The following N4BP2 variants were observed in gnomAD, a reference collection of about 807,000 sequenced individuals.
N4BP2 encodes the protein NEDD4 binding protein 2.
Under a neutral mutation model 152.8 loss-of-function variants are expected in N4BP2, and 91 were observed. The observed-to-expected ratio is 0.60, with a 90% CI of 0.50 to 0.71. N4BP2 has a LOEUF of 0.71. Among genes scored for constraint, N4BP2 ranks in the 30% least tolerant of loss-of-function variants. The probability of loss-of-function intolerance (pLI) is 0.00; values close to 1 mark genes in which losing one functional copy is unlikely to be tolerated. For synonymous variants in N4BP2, 646 were observed against 705.3 expected (o/e 0.92, Z 1.33); for missense variants, 1,923 against 2,059.1 (o/e 0.93, Z 1.28).
downstream of N4BP2, among the ~76,000 whole-genome samples, chr4:40,162,562 T>C (rs1338163059): frequency 1.3e-5 from 2 of 152,138 alleles, no homozygotes; most frequent in Admixed American, 1.3e-4. Flanking sequence ...TGGCTTGACA[T>C]ATTAGTCACA....
chr4:40,140,936 C>T (rs1719869615), intron 14 of N4BP2, among the ~76,000 whole-genome samples: 1 of 149,770 alleles, frequency 6.7e-6, no homozygotes, highest in Non-Finnish European at 1.5e-5. Context: ...GATCCCAAGG[C>T]AGAAGAATTT....
chr4:40,146,709 A>G (rs993114951), intron 16 of N4BP2, among the ~76,000 whole-genome samples: 3 of 152,114 alleles, frequency 2.0e-5, no homozygotes, highest in Non-Finnish European at 4.4e-5. Context: ...AGCAAATTTC[A>G]AGTATATGAT....
chr4:40,167,231 A>G, the N4BP2 span: 32 of 152,316 alleles, frequency 2.1e-4, no homozygotes, highest in African/African-American at 7.2e-4. Flanking sequence ...TCTAATTTGT[A>G]TATAATGGGA....
In N4BP2 at chr4:40,120,269, A is replaced by G. The variant is rs766531098; in HGVS notation, c.2158A>G (p.Met720Val). Residue 720 changes from methionine to valine, a missense_variant, in exon 9 of 18, where the codon ATG (methionine) becomes GTG (valine). Coordinates refer to ENST00000261435, the MANE Select transcript of N4BP2 (RefSeq NM_018177.6). ...GYSKTDTDSS[M>V]ERVSPSTCCS... ...TAGTAAAACTGACACAGATAGTTCT[A>G]TGGAGAGAGTATCACCTAGTACTTG... 6.2e-6 allele frequency: 10 copies of G among 1,613,844 alleles called. No individual in the cohort carries two copies. Among genetic ancestry groups the G allele is most frequent in the African/African-American group, 2.7e-5 (2 of 74,942 alleles).
chr4:40,114,911 T>C (rs1040753574), intron 7 of N4BP2, among the ~76,000 whole-genome samples: 4 of 152,176 alleles, frequency 2.6e-5, no homozygotes, highest in Non-Finnish European at 4.4e-5. Context: ...TATTTACACA[T>C]CTACTGTGTT....
At chr4:40,115,634 G>A (rs1413270664) in intron 7 of N4BP2, among the ~76,000 whole-genome samples, 2 of 151,644 alleles carry the variant, frequency 1.3e-5, no homozygotes, top group South Asian at 2.1e-4. Context: ...GGGTTATGTC[G>A]TACTGTGTTT....
intron 2 of N4BP2, among the ~76,000 whole-genome samples, chr4:40,078,605 A>G (rs1713027419): frequency 6.6e-6 from 1 of 150,824 alleles, no homozygotes; most frequent in Admixed American, 6.7e-5. Flanking sequence ...GCTCAACTGC[A>G]GCCTTGATTT....
At chr4:40,151,498 C>T (rs1297133901) in intron 16 of N4BP2, among the ~76,000 whole-genome samples, 1 of 152,158 alleles carries the variant, frequency 6.6e-6, no homozygotes, top group Non-Finnish European at 1.5e-5. Context: ...TCTTGAACTC[C>T]TGAGCTCAAG....
At chr4:40,105,473 T>G (rs1189951053) in intron 4 of N4BP2, among the ~76,000 whole-genome samples, 2 of 151,840 alleles carry the variant, frequency 1.3e-5, no homozygotes, top group Non-Finnish European at 2.9e-5. Flanking sequence ...TACAGGTATC[T>G]GCTGCCACCC....
At chr4:40,181,442 C>A in the N4BP2 span, among the ~76,000 whole-genome samples, 9 of 152,124 alleles carry the variant, frequency 5.9e-5, no homozygotes, top group Non-Finnish European at 1.3e-4. Flanking sequence ...GACAGAAAAC[C>A]CCCAAGCAAT....
At chr4:40,138,812 ATTACTGTGGCT>A (rs1719642936) in intron 14 of N4BP2, among the ~76,000 whole-genome samples, 1 of 152,126 alleles carries the variant, frequency 6.6e-6, no homozygotes, top group South Asian at 2.1e-4. Context: ...CGGCTTCTTG[ATTACTGTGGCT>A]TTGTAGTAAG....
At chr4:40,187,404 C>G in the N4BP2 span, among the ~76,000 whole-genome samples, 1 of 152,242 alleles carries the variant, frequency 6.6e-6, no homozygotes, top group Admixed American at 6.5e-5. Context: ...TGGTCATTTA[C>G]TTTCCAACTC....
intron 12 of N4BP2, among the ~76,000 whole-genome samples, chr4:40,129,226 GT>G (rs1718694340): frequency 6.7e-6 from 1 of 148,998 alleles, no homozygotes; most frequent in African/African-American, 2.5e-5. Flanking sequence ...TTTTTATTTT[GT>G]TTTGTTTTGT....
chr4:40,079,137 G>A (rs188443099), intron 2 of N4BP2, among the ~76,000 whole-genome samples: 34 of 151,936 alleles, frequency 2.2e-4, no homozygotes, highest in African/African-American at 8.0e-4. Context: ...GGCCAGGCTG[G>A]TCTTGAACTC....
chr4:40,156,464 C>T lies in N4BP2; in HGVS notation c.*2227C>T, dbSNP rs952844314. On this transcript the variant is annotated 3_prime_UTR_variant, in exon 18 of 18. Transcript: ENST00000261435. Reference sequence around the variant, plus strand: ...AAATATACAGGCAAAGTTTGAGCATCATATGTATTTTTATGAAGCTGCTTA... The same window carrying T: ...AAATATACAGGCAAAGTTTGAGCATTATATGTATTTTTATGAAGCTGCTTA... The T allele has an allele frequency of 2.6e-5, 4 of 152,116 alleles. 1 individual carries two copies. Among genetic ancestry groups the T allele is most frequent in the African/African-American group, 9.7e-5 (4 of 41,436 alleles). The allele number at this position is 152,116 out of a possible 1,614,324, so 9.4% of individuals were successfully genotyped here.
chr4:40,157,203 A>C lies in N4BP2; in HGVS notation c.*2966A>C, dbSNP rs2109301046. The C allele has an allele frequency of 6.6e-6, 1 of 151,768 alleles. No homozygotes were observed. The highest frequency in any genetic ancestry group is 1.9e-4 in the East Asian group (1 of 5,182). The allele number at this position is 151,768 out of a possible 1,614,324, so 9.4% of individuals were successfully genotyped here. A position where few individuals can be genotyped will look rare whatever the true frequency, so the allele number is the denominator to read the frequency against. On this transcript the variant is annotated 3_prime_UTR_variant, in exon 18 of 18. Transcript: ENST00000261435. Reference sequence around the variant, plus strand: ...TCTTTATTCCAATGTGAGAAATGGAAGTGTTTTTTTTTTTACGTTTATTGG... The same window carrying C: ...TCTTTATTCCAATGTGAGAAATGGACGTGTTTTTTTTTTTACGTTTATTGG...
At chr4:40,086,283 C>T (rs1244135387) in intron 2 of N4BP2, among the ~76,000 whole-genome samples, 1 of 151,238 alleles carries the variant, frequency 6.6e-6, no homozygotes, top group Non-Finnish European at 1.5e-5. Flanking sequence ...CCAGCCTGGA[C>T]AACATTGCGA....
intron 3 of N4BP2, 79 bp from the exon 4 acceptor site, chr4:40,101,996 G>T (rs1715698550): frequency 1.2e-6 from 1 of 862,220 alleles, no homozygotes. Flanking sequence ...TATAATTTTA[G>T]CTGGATTTTA....
At chr4:40,078,606 G>T (rs1026558739) in intron 2 of N4BP2, among the ~76,000 whole-genome samples, 62 of 151,426 alleles carry the variant, frequency 4.1e-4, no homozygotes, top group African/African-American at 1.4e-3. Context: ...CTCAACTGCA[G>T]CCTTGATTTC....
Sources: gnomAD v4.1 joint callset for allele counts (sites outside exome capture counted in the v4.1 genomes callset) on GRCh38, gnomAD v4.1.1 for gene constraint, MANE v1.5 for transcripts, NCBI Gene and HGNC (gene_info 2026-07-23, HGNC 2026-07-21) for gene names.